The following PRKG1 variants were observed in gnomAD, a reference collection of about 807,000 sequenced individuals.
PRKG1 encodes protein kinase cGMP-dependent 1.
PRKG1 carries 35 observed loss-of-function variants against 88.1 expected under a neutral mutation model. That is an observed-to-expected ratio of 0.40 (90% CI 0.30 to 0.53). The LOEUF is 0.53. PRKG1 is among the 20% of genes least tolerant of loss of function. The probability of loss-of-function intolerance (pLI) is 0.59; values close to 1 mark genes in which losing one functional copy is unlikely to be tolerated. For missense variants in PRKG1, 540 were observed against 839.8 expected, an observed-to-expected ratio of 0.64 and a Z score of 4.41; for synonymous variants, 303 against 292.5, an observed-to-expected ratio of 1.04 and a Z score of -0.37.
At chr10:51,190,424 AGC>A (rs1837602460) in intron 2 of PRKG1, among the ~76,000 whole-genome samples, 1 of 151,898 alleles carries the variant, frequency 6.6e-6, no homozygotes, top group South Asian at 2.1e-4. Flanking sequence ...GAAAGAGATT[AGC>A]AAGGTAGATG....
At chr10:52,104,824 C>T (rs1847376678) in intron 7 of PRKG1, among the ~76,000 whole-genome samples, 2 of 152,124 alleles carry the variant, frequency 1.3e-5, no homozygotes, top group Admixed American at 1.3e-4. Context: ...GCATATCAAC[C>T]TTTTTGGAAT....
At chr10:51,555,102 C>T (rs1279856020) in intron 3 of PRKG1, among the ~76,000 whole-genome samples, 1 of 151,658 alleles carries the variant, frequency 6.6e-6, no homozygotes, top group Non-Finnish European at 1.5e-5. Flanking sequence ...TTCTGAAGTC[C>T]CTAGGATTAC....
chr10:52,172,084 G>A (rs1055618395), intron 9 of PRKG1, among the ~76,000 whole-genome samples: 1 of 151,490 alleles, frequency 6.6e-6, no homozygotes, highest in African/African-American at 2.4e-5. Context: ...TTACAGGCGT[G>A]AGCCACCGCG....
chr10:51,553,812 G>A (rs995307583), intron 3 of PRKG1, among the ~76,000 whole-genome samples: 3,833 of 101,898 alleles, frequency 0.038, 456 homozygotes, highest in African/African-American at 0.077. Context: ...ATATATGTAT[G>A]TATTAGATAC....
intron 3 of PRKG1, among the ~76,000 whole-genome samples, chr10:51,675,899 C>T (rs1840698219): frequency 6.6e-6 from 1 of 152,040 alleles, no homozygotes; most frequent in Admixed American, 6.6e-5. Context: ...CCCAGTCAAG[C>T]CTTGTTGGAC....
At chr10:52,063,214 G>A (rs945821117) in intron 7 of PRKG1, among the ~76,000 whole-genome samples, 10 of 152,232 alleles carry the variant, frequency 6.6e-5, no homozygotes, top group Admixed American at 6.5e-4. Flanking sequence ...CAAGGGGCAC[G>A]TGAGCGAGTG....
chr10:51,362,780 C>T (rs1412724385), intron 2 of PRKG1, among the ~76,000 whole-genome samples: 3 of 151,786 alleles, frequency 2.0e-5, no homozygotes, highest in Non-Finnish European at 4.4e-5. Flanking sequence ...CCTCCCCTAG[C>T]CCCCAACCCC....
chr10:52,016,055 G>C (rs1046069063), intron 5 of PRKG1, among the ~76,000 whole-genome samples: 1 of 152,156 alleles, frequency 6.6e-6, no homozygotes, highest in Non-Finnish European at 1.5e-5. Flanking sequence ...CTTCCAAACT[G>C]TTCCAGCCTC....
intron 5 of PRKG1, among the ~76,000 whole-genome samples, chr10:51,985,108 C>T (rs895561712): frequency 6.6e-6 from 1 of 152,038 alleles, no homozygotes; most frequent in African/African-American, 2.4e-5. Context: ...AGAACTTTTC[C>T]TTCATAGAGC....
intron 14 of PRKG1, among the ~76,000 whole-genome samples, chr10:52,282,810 C>T (rs2132450508): frequency 6.6e-6 from 1 of 152,118 alleles, no homozygotes; most frequent in South Asian, 2.1e-4. Context: ...TTAAGATCCT[C>T]AAGGACCCAT....
At chr10:51,793,138 CAAAA>C (rs775904836) in intron 3 of PRKG1, among the ~76,000 whole-genome samples, 1 of 69,758 alleles carries the variant, frequency 1.4e-5, no homozygotes, top group African/African-American at 6.0e-5. Context: ...CAGCACACTG[CAAAA>C]AAAAAAAAAA....
chr10:51,693,531 A>C (rs1841202112), intron 3 of PRKG1, among the ~76,000 whole-genome samples: 1 of 151,988 alleles, frequency 6.6e-6, no homozygotes, highest in Non-Finnish European at 1.5e-5. Flanking sequence ...ACTCCCAAGT[A>C]GCTGGGATTA....
chr10:51,343,462 C>T (rs1056408107), intron 2 of PRKG1, among the ~76,000 whole-genome samples: 2 of 151,944 alleles, frequency 1.3e-5, no homozygotes, highest in Non-Finnish European at 2.9e-5. Flanking sequence ...TATCAGTAAC[C>T]AAAGCAAAAT....
chr10:51,807,367 G>A (rs1427500246), intron 4 of PRKG1, among the ~76,000 whole-genome samples: 2 of 152,108 alleles, frequency 1.3e-5, no homozygotes, highest in Non-Finnish European at 2.9e-5. Context: ...GCCATGTAGG[G>A]GTGGAAAGGG....
intron 3 of PRKG1, among the ~76,000 whole-genome samples, chr10:51,690,703 G>A (rs1034333412): frequency 6.6e-6 from 1 of 151,938 alleles, no homozygotes; most frequent in Non-Finnish European, 1.5e-5. Flanking sequence ...CGAGGAGGGT[G>A]GATAAGGAGG....
At chr10:51,285,698 T>C (rs1256155225) in intron 2 of PRKG1, among the ~76,000 whole-genome samples, 1 of 152,014 alleles carries the variant, frequency 6.6e-6, no homozygotes, top group Non-Finnish European at 1.5e-5. Context: ...AATGAGAGGA[T>C]GGGGAGTGTA....
intron 2 of PRKG1, among the ~76,000 whole-genome samples, chr10:51,323,437 C>T (rs772154051): frequency 4.6e-5 from 7 of 152,050 alleles, no homozygotes; most frequent in Non-Finnish European, 8.8e-5. Flanking sequence ...TAATAATTTC[C>T]AGCTGAGTAA....
chr10:51,562,876 C>T (rs1408127087), intron 3 of PRKG1, among the ~76,000 whole-genome samples: 1 of 152,200 alleles, frequency 6.6e-6, no homozygotes, highest in East Asian at 1.9e-4. Context: ...TCCAGTGATC[C>T]TTTCACCTCA....
chr10:51,546,929 A>G (rs2132121278), intron 3 of PRKG1, among the ~76,000 whole-genome samples: 1 of 152,210 alleles, frequency 6.6e-6, no homozygotes, highest in South Asian at 2.1e-4. Context: ...TGCCTTTTCC[A>G]TGAAAGTTGA....
Sources: allele counts gnomAD v4.1 joint callset (sites outside exome capture counted in the v4.1 genomes callset), GRCh38; gene constraint gnomAD v4.1.1; transcripts MANE v1.5; gene names NCBI Gene and HGNC (gene_info 2026-07-23, HGNC 2026-07-21).